The following PFKFB2 variants were observed in gnomAD, a reference collection of about 807,000 sequenced individuals.
PFKFB2 encodes 6-phosphofructo-2-kinase/fructose-2,6-bisphosphatase 2.
Under a neutral mutation model 68.0 loss-of-function variants are expected in PFKFB2, and 53 were observed. The ratio of observed to expected loss-of-function variants is 0.78; its 90% CI spans 0.63 to 0.98. The LOEUF is 0.98. Ranked by LOEUF, PFKFB2 falls within the 50% of genes least tolerant of loss-of-function variation. The pLI, the probability that PFKFB2 is intolerant of heterozygous loss-of-function variation, is 0.00. For missense variants in PFKFB2, 451 were observed against 642.0 expected, an observed-to-expected ratio of 0.70 and a Z score of 3.22; for synonymous variants, 222 against 227.6, an observed-to-expected ratio of 0.98 and a Z score of 0.22.
At chr1:207,036,064 C>G (rs1291155298) in intron 1 of PFKFB2, among the ~76,000 whole-genome samples, 2 of 152,136 alleles carry the variant, frequency 1.3e-5, no homozygotes, top group African/African-American at 2.4e-5. Context: ...GAACTTAGAA[C>G]TTACTCATTA....
chr1:207,041,512 G>C (rs529586490), intron 1 of PFKFB2, among the ~76,000 whole-genome samples: 1 of 152,254 alleles, frequency 6.6e-6, no homozygotes, highest in South Asian at 2.1e-4. Flanking sequence ...GTGTTAGTTT[G>C]CTGAGAATGA....
intron 2 of PFKFB2, among the ~76,000 whole-genome samples, chr1:207,056,486 C>T (rs995146142): frequency 6.0e-5 from 9 of 151,212 alleles, no homozygotes; most frequent in Admixed American, 2.0e-4. Context: ...TCTGACTACA[C>T]GATGCCATGT....
At chr1:207,061,041 AAT>A (rs1683076466) in intron 2 of PFKFB2, 2 of 137,172 alleles carry the variant, frequency 1.5e-5, no homozygotes, top group African/African-American at 5.5e-5. Context: ...AAATATCTTA[AAT>A]ATATATATTT....
In PFKFB2 at chr1:207,071,069, C is replaced by G. The variant is rs1218724423; in HGVS notation, c.1223-119C>G. ...GGTTTAAGGGAGGAGTTGTACAACT[C>G]TAAGAGGTGGTCAAAGTAAGGGAAA... On this transcript the variant is annotated intron_variant, in intron 12 of 14. Transcript: ENST00000367080. The G allele has an allele frequency of 5.0e-6, 4 of 803,696 alleles. 1 individual carries two copies. The highest frequency in any genetic ancestry group is 6.1e-4 in the Middle Eastern group (2 of 3,274). 49.8% of individuals were successfully genotyped at this position (803,696 alleles called of 1,614,324 possible).
Position 207,074,352 on chromosome 1 carries a change from A to G in PFKFB2, c.*1981A>G. 2.0e-6 allele frequency: 2 copies of G among 985,450 alleles called. No homozygotes were observed. The highest frequency in any genetic ancestry group is 1.1e-4 in the East Asian group (1 of 8,820). 61.0% of individuals were successfully genotyped at this position (985,450 alleles called of 1,614,324 possible). A position where few individuals can be genotyped will look rare whatever the true frequency, so the allele number is the denominator to read the frequency against. ...GCAGGCTGCTGTGTTTTAGAGGGTT[A>G]TTCTAGGTTCTAGTCCCATCTTTAA... On this transcript the variant is annotated 3_prime_UTR_variant, in exon 15 of 15. Coordinates refer to ENST00000367080, the MANE Select transcript of PFKFB2 (RefSeq NM_006212.2).
downstream of PFKFB2, chr1:207,078,832 T>C (rs1683695138): frequency 2.6e-6 from 2 of 771,952 alleles, no homozygotes; most frequent in African/African-American, 1.7e-5. Flanking sequence ...TGCATGTGTA[T>C]GGATGTGGGG....
chr1:207,050,812 C>G (rs767119057), upstream of PFKFB2: 3 of 1,613,320 alleles, frequency 1.9e-6, no homozygotes, highest in Non-Finnish European at 1.7e-6. Context: ...CAATTTGGCC[C>G]TGGAGTTCCC....
At position 207,072,627 on chromosome 1, in the gene PFKFB2, T is replaced by C. The variant is rs1374671291; in HGVS notation, c.*256T>C. The C allele has an allele frequency of 3.2e-6, 4 of 1,239,934 alleles. No individual in the cohort carries two copies. The highest frequency in any genetic ancestry group is 4.8e-5 in the South Asian group (2 of 41,620). 76.8% of individuals were successfully genotyped at this position (1,239,934 alleles called of 1,614,324 possible). On this transcript the variant is annotated 3_prime_UTR_variant, in exon 15 of 15. Coordinates refer to ENST00000367080, the MANE Select transcript of PFKFB2 (RefSeq NM_006212.2). ...GAGTCTTTTAGGACAGATTCTCAGATGGGATGATCTGGAGGAGGAGGAAAA... is the reference window on the plus strand; with the variant it reads ...GAGTCTTTTAGGACAGATTCTCAGACGGGATGATCTGGAGGAGGAGGAAAA...
chr1:207,061,169 A>ATATG (rs1683099572), intron 2 of PFKFB2, among the ~76,000 whole-genome samples: 1 of 52,220 alleles, frequency 1.9e-5, no homozygotes, highest in African/African-American at 1.3e-4. Flanking sequence ...ATATCTTTAT[A>ATATG]TATATATATA....
At chr1:207,050,536 C>G, upstream of PFKFB2, 1 of 1,003,516 alleles carries the variant, frequency 1.0e-6, no homozygotes, top group Non-Finnish European at 1.4e-6. Context: ...TGGCCCCCGT[C>G]AGCATTCTCT....
In PFKFB2 at chr1:207,068,526, A is replaced by G. The variant is rs988714569; in HGVS notation, c.987+217A>G. On this transcript the variant is annotated intron_variant, in intron 10 of 14. Coordinates refer to ENST00000367080, the MANE Select transcript of PFKFB2 (RefSeq NM_006212.2). ...ATTCAGTACCTGTGCCAATCATGGG[A>G]CCCAAACCAATTTTTGAGCCAGCCT... 5.3e-5 allele frequency among the ~76,000 whole-genome samples: 8 copies of G among 152,124 alleles called. No individual in the cohort carries two copies. In the South Asian group the frequency reaches 8.3e-4, roughly 16 times the overall value.
intron 14 of PFKFB2, 74 bp downstream of exon 14, chr1:207,071,647 C>T: frequency 1.8e-6 from 2 of 1,085,320 alleles, no homozygotes; most frequent in Non-Finnish European, 2.8e-6. Flanking sequence ...CATCAAGAGA[C>T]TGGGGTTTCT....
rs571207398 is a variant in PFKFB2 at position 207,062,268 on chromosome 1, G to A, written c.211+190G>A. Among the ~76,000 whole-genome samples the A allele has an allele frequency of 2.0e-5, 3 of 152,296 alleles. No individual in the cohort carries two copies. The East Asian group carries it at 5.8e-4, about 29-fold the overall frequency. Reference sequence around the variant, plus strand: ...CTCCTGGCGTGGGTGGATTGGCCTAGTTTTGAGGGAATGCCTTTGATAGGA... The same window carrying A: ...CTCCTGGCGTGGGTGGATTGGCCTAATTTTGAGGGAATGCCTTTGATAGGA... On this transcript the variant is annotated intron_variant, in intron 3 of 14. Coordinates refer to ENST00000367080, the MANE Select transcript of PFKFB2 (RefSeq NM_006212.2).
rs1303444099 is a variant in PFKFB2, at chr1:207,054,704, T to C, written c.-14T>C. ...ACATTCTACTTCTCTGTTTCAGACA[T>C]CTGAAGAGCTGCCATGTCTGGGGCA... On this transcript the variant is annotated 5_prime_UTR_variant, in exon 2 of 15. Transcript: ENST00000367080. 4 of 1,604,212 alleles carry C rather than the reference T, an allele frequency of 2.5e-6. No homozygotes were observed. The South Asian group carries it at 4.4e-5, about 18-fold the overall frequency.
upstream of PFKFB2, among the ~76,000 whole-genome samples, chr1:207,051,562 G>C (rs886334586): frequency 3.3e-5 from 5 of 152,208 alleles, no homozygotes; most frequent in Admixed American, 1.3e-4. Flanking sequence ...TGCCACTTCA[G>C]AAAGCACAGT....
intron 12 of PFKFB2, 82 bp from the exon 13 acceptor site, chr1:207,071,106 C>T (rs1438957654): frequency 1.8e-5 from 20 of 1,097,426 alleles, no homozygotes; most frequent in Non-Finnish European, 2.7e-5. Flanking sequence ...TCATTATGAG[C>T]TCTGTAGATT....
In PFKFB2 at chr1:207,072,510, TA is replaced by T; in HGVS notation, c.*141del. ...ACCCCTGACACTTCACCATTAATCT[TA>T]ACACAGAACATGAGGTTATGTGTTT... On this transcript the variant is annotated 3_prime_UTR_variant, in exon 15 of 15. Coordinates refer to ENST00000367080, the MANE Select transcript of PFKFB2 (RefSeq NM_006212.2). 5 of 1,445,770 alleles carry T rather than the reference TA, an allele frequency of 3.5e-6. No homozygotes were observed. The highest frequency in any genetic ancestry group is 3.6e-6 in the Non-Finnish European group (4 of 1,099,946). 89.6% of individuals were successfully genotyped at this position (1,445,770 alleles called of 1,614,324 possible). A position where few individuals can be genotyped will look rare whatever the true frequency, so the allele number is the denominator to read the frequency against.
chr1:207,075,618 A>G lies in PFKFB2; in HGVS notation c.*3247A>G. On this transcript the variant is annotated 3_prime_UTR_variant, in exon 15 of 15. Coordinates refer to ENST00000367080, the MANE Select transcript of PFKFB2 (RefSeq NM_006212.2). ...TGTTTTGTGAGAAATAGGTAAAGAC[A>G]TTAGCATTTAATCTACTGGAATAAG... 2 of 985,296 alleles carry G rather than the reference A, an allele frequency of 2.0e-6. No homozygotes were observed. Among genetic ancestry groups the G allele is most frequent in the Non-Finnish European group, 2.4e-6 (2 of 829,784 alleles). 61.0% of individuals were successfully genotyped at this position (985,296 alleles called of 1,614,324 possible). A position where few individuals can be genotyped will look rare whatever the true frequency, so the allele number is the denominator to read the frequency against.
intron 8 of PFKFB2, among the ~76,000 whole-genome samples, chr1:207,065,753 A>T (rs773823279): frequency 3.3e-5 from 5 of 152,152 alleles, no homozygotes; most frequent in African/African-American, 1.2e-4. Flanking sequence ...TCTTTGTTGT[A>T]GGACCTGTCC....
Sources: allele counts gnomAD v4.1 joint callset (sites outside exome capture counted in the v4.1 genomes callset), GRCh38; gene constraint gnomAD v4.1.1; transcripts MANE v1.5; gene names NCBI Gene and HGNC (gene_info 2026-07-23, HGNC 2026-07-21).